The following CEMIP variants were observed in gnomAD, a reference collection of about 807,000 sequenced individuals.
The protein encoded by CEMIP is cell migration-inducing and hyaluronan-binding protein.
In CEMIP, 105 loss-of-function variants were observed where a neutral mutation model predicts 156.9. That is an observed-to-expected ratio of 0.67 (90% confidence interval 0.57 to 0.79). The LOEUF is 0.79. Ranked by LOEUF, CEMIP falls within the 30% of genes least tolerant of loss-of-function variation. The probability of loss-of-function intolerance (pLI) is 0.00; values close to 1 mark genes in which losing one functional copy is unlikely to be tolerated. For synonymous variants in CEMIP, 676 were observed against 668.4 expected (o/e 1.01, Z -0.17); for missense variants, 1,457 against 1,769.4 (o/e 0.82, Z 3.17).
intron 12 of CEMIP, among the ~76,000 whole-genome samples, chr15:80,905,431 G>A (rs74656260): frequency 6.6e-6 from 1 of 151,450 alleles, no homozygotes; most frequent in African/African-American, 2.4e-5. Context: ...GGCAGAATTT[G>A]CGGCTATAAA....
At chr15:80,840,610 G>T (rs932252259) in intron 1 of CEMIP, among the ~76,000 whole-genome samples, 1 of 152,178 alleles carries the variant, frequency 6.6e-6, no homozygotes, top group Non-Finnish European at 1.5e-5. Flanking sequence ...ACAGGCCCGT[G>T]CAGGGGGAAA....
chr15:80,837,733 C>T (rs1347203915), intron 1 of CEMIP, among the ~76,000 whole-genome samples: 1 of 152,212 alleles, frequency 6.6e-6, no homozygotes, highest in Admixed American at 6.5e-5. Context: ...TATTTGGGGA[C>T]ATTATTAGTG....
At chr15:80,903,342 C>T (rs1056202997) in intron 12 of CEMIP, among the ~76,000 whole-genome samples, 41 of 152,090 alleles carry the variant, frequency 2.7e-4, no homozygotes, top group Middle Eastern at 3.2e-3. Context: ...TGCAGGAACT[C>T]CCAGAAGGAA....
At chr15:80,860,357 A>T (rs1897955736) in intron 1 of CEMIP, among the ~76,000 whole-genome samples, 1 of 152,170 alleles carries the variant, frequency 6.6e-6, no homozygotes, top group Non-Finnish European at 1.5e-5. Context: ...GGACCCTATC[A>T]CATTACCTGT....
intron 12 of CEMIP, among the ~76,000 whole-genome samples, chr15:80,900,400 C>T (rs1000601733): frequency 5.3e-5 from 8 of 152,102 alleles, no homozygotes; most frequent in African/African-American, 1.9e-4. Flanking sequence ...ACCTCAACGC[C>T]CTCCACTTTC....
chr15:80,841,511 G>A (rs565216371), intron 1 of CEMIP, among the ~76,000 whole-genome samples: 8 of 152,336 alleles, frequency 5.3e-5, no homozygotes, highest in South Asian at 2.1e-4. Flanking sequence ...TGGGGGAAGC[G>A]GGCAAGGGAT....
intron 12 of CEMIP, among the ~76,000 whole-genome samples, chr15:80,898,742 C>T (rs1293726260): frequency 3.3e-5 from 5 of 152,156 alleles, no homozygotes; most frequent in Non-Finnish European, 5.9e-5. Flanking sequence ...ATAGGTCTGT[C>T]ATAGGCCTGC....
chr15:80,830,619 T>C (rs1285582508), intron 1 of CEMIP, among the ~76,000 whole-genome samples: 5 of 152,218 alleles, frequency 3.3e-5, no homozygotes, highest in Non-Finnish European at 7.3e-5. Context: ...CTTTGTGTTT[T>C]TGTTTTTTTT....
Position 80,882,371 on chromosome 15 carries a change from CTCAG to C in CEMIP, c.617+1239_617+1242del, listed in dbSNP as rs553547928. Among the ~76,000 whole-genome samples, 494 of 152,364 alleles carry C rather than the reference CTCAG, an allele frequency of 3.2e-3. 4 individuals are homozygous for C. The highest frequency in any genetic ancestry group is 0.011 in the African/African-American group (475 of 41,578). On this transcript the variant is annotated intron_variant, in intron 6 of 29. Coordinates refer to ENST00000394685, the MANE Select transcript of CEMIP (RefSeq NM_001293298.2). ...ACTGAGGCTCACAGGGCTAAATTTA[CTCAG>C]TCACAAGGTTGGAAAGTGTTGGAGA...
chr15:80,933,913 T>C (rs1050716197), intron 23 of CEMIP, among the ~76,000 whole-genome samples: 1 of 152,250 alleles, frequency 6.6e-6, no homozygotes, highest in Non-Finnish European at 1.5e-5. Context: ...CTGGTAGCCA[T>C]GTTAAAAAGT....
At chr15:80,847,460 G>T (rs1013116908) in intron 1 of CEMIP, among the ~76,000 whole-genome samples, 1 of 152,208 alleles carries the variant, frequency 6.6e-6, no homozygotes, top group Non-Finnish European at 1.5e-5. Context: ...CCGGGTTGGG[G>T]TGCAGTCTGG....
intron 1 of CEMIP, among the ~76,000 whole-genome samples, chr15:80,835,857 C>T (rs1897259902): frequency 6.6e-6 from 1 of 152,104 alleles, no homozygotes; most frequent in Non-Finnish European, 1.5e-5. Flanking sequence ...TACAGCTTTG[C>T]CCCAACTTGA....
At chr15:80,918,917 G>A (rs1260781552) in intron 14 of CEMIP, among the ~76,000 whole-genome samples, 1 of 152,052 alleles carries the variant, frequency 6.6e-6, no homozygotes, top group Non-Finnish European at 1.5e-5. Flanking sequence ...GACACAGAAG[G>A]GGCTTCAGAG....
intron 23 of CEMIP, among the ~76,000 whole-genome samples, chr15:80,936,378 G>T (rs921302122): frequency 6.6e-6 from 1 of 152,108 alleles, no homozygotes; most frequent in Non-Finnish European, 1.5e-5. Context: ...TCCAAAATTT[G>T]CCATCTGACT....
At chr15:80,885,390 G>A (rs1401691332) in intron 7 of CEMIP, among the ~76,000 whole-genome samples, 1 of 152,172 alleles carries the variant, frequency 6.6e-6, no homozygotes, top group East Asian at 1.9e-4. Flanking sequence ...TCTTCTGGAC[G>A]GGAAACTCAA....
chr15:80,941,761 A>G lies in CEMIP; in HGVS notation c.3408-88A>G, dbSNP rs1901343588. On this transcript the variant is annotated intron_variant, in intron 25 of 29. Coordinates refer to ENST00000394685, the MANE Select transcript of CEMIP (RefSeq NM_001293298.2). Reference sequence around the variant, plus strand: ...GCCGCTGGGTCTACCTGCTATGACCAGCTCAGAGTAAATGTCTCGGTGGGT... The same window carrying G: ...GCCGCTGGGTCTACCTGCTATGACCGGCTCAGAGTAAATGTCTCGGTGGGT... The G allele has an allele frequency of 3.3e-6, 4 of 1,222,476 alleles. No individual in the cohort carries two copies. The Admixed American group carries it at 5.2e-5, about 16-fold the overall frequency. The allele number at this position is 1,222,476 out of a possible 1,614,324, so 75.7% of individuals were successfully genotyped here.
At chr15:80,799,398 C>T (rs1896317849) in intron 1 of CEMIP, among the ~76,000 whole-genome samples, 1 of 152,180 alleles carries the variant, frequency 6.6e-6, no homozygotes, top group Admixed American at 6.5e-5. Flanking sequence ...TGAAAGAGGC[C>T]ACACTGGGAC....
chr15:80,797,275 G>A (rs1450254631), intron 1 of CEMIP, among the ~76,000 whole-genome samples: 8 of 152,172 alleles, frequency 5.3e-5, no homozygotes, highest in Admixed American at 1.3e-4. Context: ...CTGGGATCAT[G>A]ATATCTTTGG....
intron 3 of CEMIP, among the ~76,000 whole-genome samples, chr15:80,876,592 G>T (rs1010384444): frequency 1.3e-5 from 2 of 152,242 alleles, no homozygotes; most frequent in African/African-American, 4.8e-5. Flanking sequence ...CCTAGAGGAG[G>T]GTTGTTATGG....
Sources: gnomAD v4.1 joint callset for allele counts (sites outside exome capture counted in the v4.1 genomes callset) on GRCh38, gnomAD v4.1.1 for gene constraint, MANE v1.5 for transcripts, NCBI Gene and HGNC (gene_info 2026-07-23, HGNC 2026-07-21) for gene names.